PUDP: variants seen among roughly 807,000 people sequenced by gnomAD.
The protein encoded by PUDP is pseudouridine-5'-phosphatase.
In PUDP, 8 loss-of-function variants were observed where a neutral mutation model predicts 9.4. The ratio of observed to expected loss-of-function variants is 0.85; its 90% CI spans 0.50 to 1.53. The LOEUF (loss-of-function observed/expected upper bound fraction) is 1.53, where lower values mean the gene tolerates loss of function less well. PUDP is among the 40% of genes most tolerant of loss of function. PUDP has a pLI of 0.00. For missense variants in PUDP, 188 were observed against 189.7 expected, an observed-to-expected ratio of 0.99 and a Z score of 0.05; for synonymous variants, 99 against 80.7, an observed-to-expected ratio of 1.23 and a Z score of -1.22.
At chrX:6,753,100 T>C (rs1925124767) in intron 3 of PUDP, among the ~76,000 whole-genome samples, 2 of 110,920 alleles carry the variant, frequency 1.8e-5, no homozygotes, top group African/African-American at 6.6e-5. Context: ...GCACCCTATT[T>C]GTGGTCTTTC....
chrX:6,900,502 T>C (rs1429971109), intron 3 of PUDP, among the ~76,000 whole-genome samples: 1 of 80,735 alleles, frequency 1.2e-5, no homozygotes, highest in Non-Finnish European at 2.6e-5. Context: ...AGTGAGGTAG[T>C]AAAAGAGAGA....
At chrX:7,147,134 A>G (rs1932881687) in intron 1 of PUDP, among the ~76,000 whole-genome samples, 1 of 110,550 alleles carries the variant, frequency 9.0e-6, no homozygotes, top group Non-Finnish European at 1.9e-5. Flanking sequence ...AAGACTGACT[A>G]CCTTAGTACA....
intron 3 of PUDP, among the ~76,000 whole-genome samples, chrX:6,855,897 T>C (rs1926898307): frequency 9.0e-6 from 1 of 111,337 alleles, no homozygotes; most frequent in Non-Finnish European, 1.9e-5. Flanking sequence ...GGTTCCTCAG[T>C]GCAGGCCGTG....
chrX:6,900,937 C>A (rs748949641), intron 3 of PUDP, among the ~76,000 whole-genome samples: 1 of 109,992 alleles, frequency 9.1e-6, no homozygotes, highest in Non-Finnish European at 1.9e-5. Flanking sequence ...GCCACCACAC[C>A]CAGCTAATTT....
chrX:6,868,401 GA>G (rs1927122183), intron 3 of PUDP, among the ~76,000 whole-genome samples: 2 of 111,683 alleles, frequency 1.8e-5, no homozygotes, highest in African/African-American at 3.3e-5. Flanking sequence ...AAAGGTTCAA[GA>G]ATATTAGCAA....
intron 1 of PUDP, among the ~76,000 whole-genome samples, chrX:7,025,051 G>A (rs1036712730): frequency 1.2e-4 from 13 of 111,462 alleles, no homozygotes; most frequent in Non-Finnish European, 2.3e-4. Flanking sequence ...GAACAGGAGT[G>A]AATCTGCCCA....
chrX:6,796,095 A>T (rs1925839358), intron 3 of PUDP, among the ~76,000 whole-genome samples: 1 of 111,890 alleles, frequency 8.9e-6, no homozygotes, highest in South Asian at 3.8e-4. Flanking sequence ...CTCCGACCAT[A>T]ACCTCCCTGA....
At chrX:6,719,662 C>T (rs1924638622) in intron 1 of PUDP, among the ~76,000 whole-genome samples, 1 of 111,862 alleles carries the variant, frequency 8.9e-6, no homozygotes, top group Admixed American at 9.5e-5. Context: ...CTGCCCTGTC[C>T]CATTGATCTG....
chrX:6,838,700 AT>A (rs1468590982), intron 3 of PUDP, among the ~76,000 whole-genome samples: 1 of 111,802 alleles, frequency 8.9e-6, no homozygotes, highest in African/African-American at 3.2e-5. Context: ...AAGGGGGAAA[AT>A]TTTGTCATGG....
chrX:6,781,529 C>T (rs753270377), intron 3 of PUDP, among the ~76,000 whole-genome samples: 1 of 112,091 alleles, frequency 8.9e-6, no homozygotes, highest in South Asian at 3.8e-4. Flanking sequence ...TCAGAATCCT[C>T]TGAAGGATCA....
Position 7,084,151 on chromosome X carries a change from G to A in PUDP, c.281-6702C>T, listed in dbSNP as rs1162432721. ...CATAGCTCATGTGCTTTCACTTCCT[G>A]GAAACTTTACCAGGCTTCTCACACC... On this transcript the variant is annotated intron_variant, in intron 2 of 3. Transcript: ENST00000381077. 2.7e-5 allele frequency among the ~76,000 whole-genome samples: 3 copies of A among 111,074 alleles called. No homozygotes were observed. In the East Asian group the frequency reaches 8.5e-4, roughly 32 times the overall value.
At chrX:6,726,132 G>C (rs1271543382), upstream of PUDP, among the ~76,000 whole-genome samples, 1 of 111,344 alleles carries the variant, frequency 9.0e-6, no homozygotes, top group Non-Finnish European at 1.9e-5. Context: ...AACATCAGTG[G>C]CCCTTCTTCT....
intron 1 of PUDP, among the ~76,000 whole-genome samples, chrX:6,709,925 C>A (rs1171184172): frequency 1.8e-5 from 2 of 111,483 alleles, no homozygotes; most frequent in Non-Finnish European, 1.9e-5. Flanking sequence ...GAGTTCGAGA[C>A]CAGCCTGGCC....
intron 3 of PUDP, among the ~76,000 whole-genome samples, chrX:6,936,089 A>G: frequency 9.1e-6 from 1 of 109,978 alleles, no homozygotes; most frequent in Non-Finnish European, 1.9e-5. Flanking sequence ...TTCTGAAACT[A>G]TTCCAATCAA....
At chrX:6,886,678 A>C (rs1197570317) in intron 3 of PUDP, among the ~76,000 whole-genome samples, 5 of 111,380 alleles carry the variant, frequency 4.5e-5, no homozygotes, top group African/African-American at 1.6e-4. Context: ...GCAGCTGCCC[A>C]GCACCTAGTA....
At chrX:6,810,312 C>A (rs1325481063) in intron 3 of PUDP, among the ~76,000 whole-genome samples, 1 of 111,346 alleles carries the variant, frequency 9.0e-6, no homozygotes, top group Admixed American at 9.6e-5. Context: ...AAAGAAAGCA[C>A]GAGATCTCCG....
chrX:6,840,909 A>G (rs1926658271), intron 3 of PUDP, among the ~76,000 whole-genome samples: 1 of 111,403 alleles, frequency 9.0e-6, no homozygotes, highest in African/African-American at 3.3e-5. Flanking sequence ...TGTGAACATA[A>G]CAAATTTCTA....
At chrX:7,092,792 C>A (rs190571592) in intron 2 of PUDP, among the ~76,000 whole-genome samples, 32 of 111,593 alleles carry the variant, frequency 2.9e-4, no homozygotes, top group African/African-American at 1.0e-3. Context: ...ATGAGAGACA[C>A]CTGTCTTCCC....
At chrX:7,025,652 G>C (rs140123460) in intron 1 of PUDP, among the ~76,000 whole-genome samples, 1 of 111,627 alleles carries the variant, frequency 9.0e-6, no homozygotes, top group East Asian at 2.8e-4. Context: ...ACTTTAAAGC[G>C]CCCTATTCTA....
Sources: gnomAD v4.1 joint callset for allele counts (sites outside exome capture counted in the v4.1 genomes callset) on GRCh38, gnomAD v4.1.1 for gene constraint, MANE v1.5 for transcripts, NCBI Gene and HGNC (gene_info 2026-07-23, HGNC 2026-07-21) for gene names.